RYR2: variants seen among roughly 807,000 people sequenced by gnomAD.
RYR2 encodes the protein ryanodine receptor 2.
A neutral mutation model predicts 601.1 loss-of-function variants in RYR2; 227 were observed. That is an observed-to-expected ratio of 0.38 (90% CI 0.34 to 0.42). RYR2 has a LOEUF of 0.42. Among genes scored for constraint, RYR2 ranks in the 10% least tolerant of loss-of-function variants. The pLI is 1.00. For missense variants in RYR2, 4,646 were observed against 6,156.5 expected, an observed-to-expected ratio of 0.75 and a Z score of 8.21; for synonymous variants, 2,223 against 2,175.1, an observed-to-expected ratio of 1.02 and a Z score of -0.61.
intron 16 of RYR2, 72 bp from the exon 17 acceptor site, chr1:237,469,020 C>A: frequency 8.2e-7 from 1 of 1,212,796 alleles, no homozygotes; most frequent in South Asian, 1.2e-5. Flanking sequence ...TATTTTAGGG[C>A]TGCATATTAG....
At chr1:237,344,494 C>T (rs1698123641) in intron 3 of RYR2, among the ~76,000 whole-genome samples, 1 of 152,190 alleles carries the variant, frequency 6.6e-6, no homozygotes, top group African/African-American at 2.4e-5. Flanking sequence ...ATTCTTACTA[C>T]ACTAATTCCT....
At chr1:237,715,688 C>A (rs1194884378) in intron 71 of RYR2, among the ~76,000 whole-genome samples, 1 of 152,002 alleles carries the variant, frequency 6.6e-6, no homozygotes, top group Non-Finnish European at 1.5e-5. Context: ...AAGAAAACTC[C>A]AAACCAATAC....
intron 63 of RYR2, among the ~76,000 whole-genome samples, chr1:237,695,567 T>TA (rs1274522804): frequency 6.6e-6 from 1 of 152,222 alleles, no homozygotes; most frequent in African/African-American, 2.4e-5. Flanking sequence ...TTTATCATCT[T>TA]ACAAAACTCT....
chr1:237,524,717 C>CAT (rs557738575), intron 24 of RYR2, among the ~76,000 whole-genome samples: 5 of 151,262 alleles, frequency 3.3e-5, no homozygotes, highest in East Asian at 1.9e-4. Flanking sequence ...TGTATATATA[C>CAT]ATATATATAT....
intron 10 of RYR2, among the ~76,000 whole-genome samples, chr1:237,412,754 A>G (rs1277606815): frequency 6.6e-6 from 1 of 152,120 alleles, no homozygotes. Context: ...GATTACCTCA[A>G]AAGGTGCTGT....
chr1:237,288,793 AC>A (rs1691865514), intron 2 of RYR2, among the ~76,000 whole-genome samples: 1 of 152,042 alleles, frequency 6.6e-6, no homozygotes, highest in Admixed American at 6.5e-5. Flanking sequence ...GAGTCTGGAC[AC>A]TAGATTTGCA....
At chr1:237,737,577 T>C (rs1691259757) in intron 79 of RYR2, among the ~76,000 whole-genome samples, 1 of 152,246 alleles carries the variant, frequency 6.6e-6, no homozygotes, top group South Asian at 2.1e-4. Flanking sequence ...TAATTAAGTA[T>C]ATGTCATCAT....
intron 38 of RYR2, among the ~76,000 whole-genome samples, chr1:237,619,221 T>A (rs1328840635): frequency 3.9e-5 from 6 of 152,156 alleles, no homozygotes; most frequent in Non-Finnish European, 7.4e-5. Flanking sequence ...AACACTGAGA[T>A]AACAAAGATG....
rs768462643 is a variant in RYR2, at chr1:237,784,267, G to A, written c.12555G>A (p.Lys4185=). The A allele has an allele frequency of 6.2e-7, 1 of 1,613,994 alleles. No homozygotes were observed. Among genetic ancestry groups the A allele is most frequent in the Non-Finnish European group, 8.5e-7 (1 of 1,179,888 alleles). The change falls in exon 90 of 105, where the codon AAG becomes AAA. Residue 4185 remains lysine (K), a synonymous_variant. Coordinates refer to ENST00000366574, the MANE Select transcript of RYR2 (RefSeq NM_001035.3). This position sits in a 1 kb window ranked among gnomAD's most constrained non-coding sequence, Gnocchi z 7.1. ...DVVNEGGEKE[K]MELFVNFCED... ...TCAACGAAGGCGGAGAGAAAGAGAAGATGGAACTCTTTGTGAACTTCTGCG... is the reference window on the plus strand; with the variant it reads ...TCAACGAAGGCGGAGAGAAAGAGAAAATGGAACTCTTTGTGAACTTCTGCG...
chr1:237,514,908 A>C (rs1666267922), intron 24 of RYR2, among the ~76,000 whole-genome samples: 1 of 152,218 alleles, frequency 6.6e-6, no homozygotes, highest in South Asian at 2.1e-4. Context: ...TTGTTTAATA[A>C]ATATATCATG....
intron 96 of RYR2, among the ~76,000 whole-genome samples, chr1:237,795,893 CAT>C (rs1356950077): frequency 5.5e-5 from 8 of 144,274 alleles, no homozygotes; most frequent in Middle Eastern, 3.5e-3. Flanking sequence ...TATATACACA[CAT>C]ATATGGATAC....
intron 1 of RYR2, among the ~76,000 whole-genome samples, chr1:237,206,981 A>G (rs1681882091): frequency 6.6e-6 from 1 of 152,154 alleles, no homozygotes; most frequent in Non-Finnish European, 1.5e-5. Context: ...AACAAAATCT[A>G]TTTATTCACT....
chr1:237,572,518 A>G (rs1414496171), intron 29 of RYR2, among the ~76,000 whole-genome samples: 2 of 152,156 alleles, frequency 1.3e-5, no homozygotes, highest in Non-Finnish European at 2.9e-5. Context: ...ATGGTTTTGA[A>G]CAATTTTGGC....
At chr1:237,526,643 G>C (rs1487614051) in intron 24 of RYR2, among the ~76,000 whole-genome samples, 1 of 152,144 alleles carries the variant, frequency 6.6e-6, no homozygotes, top group Non-Finnish European at 1.5e-5. Flanking sequence ...CACCATGCCT[G>C]ACCCTTTGGC....
chr1:237,586,390 T>C (rs1395346276), intron 29 of RYR2, among the ~76,000 whole-genome samples: 1 of 152,220 alleles, frequency 6.6e-6, no homozygotes, highest in Admixed American at 6.5e-5. Context: ...CACTGAGCAT[T>C]CGTGCTAAGC....
Position 237,794,113 on chromosome 1 carries a change from A to G in RYR2, c.13913+116A>G. 1.5e-5 allele frequency: 13 copies of G among 853,976 alleles called. No homozygotes were observed. In the South Asian group the frequency reaches 1.9e-4, roughly 13 times the overall value. 52.9% of individuals were successfully genotyped at this position (853,976 alleles called of 1,614,324 possible). A position where few individuals can be genotyped will look rare whatever the true frequency, so the allele number is the denominator to read the frequency against. On this transcript the variant is annotated intron_variant, in intron 95 of 104. Transcript: ENST00000366574. ...TAGCAGAGGTGAATAATAGTTATAT[A>G]TTCAGCCAAGAAAAATCTAAAGACT... is the stretch of plus-strand genomic sequence containing the variant.
intron 1 of RYR2, among the ~76,000 whole-genome samples, chr1:237,200,069 A>T (rs1681013170): frequency 6.6e-6 from 1 of 152,176 alleles, no homozygotes; most frequent in Non-Finnish European, 1.5e-5. Context: ...TGTTACTATC[A>T]TCACTCTTTT....
Position 237,638,507 on chromosome 1 carries a change from C to T in RYR2, c.6928+15C>T, listed in dbSNP as rs768436116. ...CTTCTGTAATGGTAGGACTTGATTT[C>T]TTGAGGTCTTTTGAGTTATCATTAA... On this transcript the variant is annotated intron_variant, in intron 45 of 104. Coordinates refer to ENST00000366574, the MANE Select transcript of RYR2 (RefSeq NM_001035.3). The T allele has an allele frequency of 1.2e-6, 2 of 1,612,976 alleles. No homozygotes were observed. The highest frequency in any genetic ancestry group is 2.2e-5 in the East Asian group (1 of 44,846).
chr1:237,545,992 A>G (rs1669759626), intron 25 of RYR2, among the ~76,000 whole-genome samples: 1 of 150,694 alleles, frequency 6.6e-6, no homozygotes, highest in Admixed American at 6.6e-5. Context: ...ACATAAATAT[A>G]TCTATATCTA....
Sources: allele counts gnomAD v4.1 joint callset (sites outside exome capture counted in the v4.1 genomes callset), GRCh38; gene constraint gnomAD v4.1.1; non-coding constraint Gnocchi (gnomAD v3.1); transcripts MANE v1.5; gene names NCBI Gene and HGNC (gene_info 2026-07-23, HGNC 2026-07-21).